The following SELENOI variants were observed in gnomAD, a reference collection of about 807,000 sequenced individuals.
SELENOI encodes the protein selenoprotein I.
Under a neutral mutation model 50.7 loss-of-function variants are expected in SELENOI, and 24 were observed. That is an observed-to-expected ratio of 0.47 (90% CI 0.34 to 0.67). The LOEUF (loss-of-function observed/expected upper bound fraction) is 0.67. Among genes scored for constraint, SELENOI ranks in the 30% least tolerant of loss-of-function variants. The pLI is 0.01. For missense variants in SELENOI, 352 were observed against 461.4 expected, an observed-to-expected ratio of 0.76 and a Z score of 2.17; for synonymous variants, 155 against 170.2, an observed-to-expected ratio of 0.91 and a Z score of 0.70.
intron 1 of SELENOI, among the ~76,000 whole-genome samples, chr2:26,355,268 A>G (rs1057154847): frequency 6.6e-6 from 1 of 152,244 alleles, no homozygotes; most frequent in Non-Finnish European, 1.5e-5. Flanking sequence ...TAGGAAGTGA[A>G]GGGTGGCAAC....
intron 4 of SELENOI, among the ~76,000 whole-genome samples, chr2:26,371,645 G>A (rs1421990993): frequency 2.2e-4 from 33 of 152,152 alleles, no homozygotes; most frequent in African/African-American, 7.2e-4. Flanking sequence ...GATCACTCGC[G>A]GTTAGGAGCT....
chr2:26,368,970 C>G (rs1212323579), intron 4 of SELENOI, among the ~76,000 whole-genome samples: 1 of 152,214 alleles, frequency 6.6e-6, no homozygotes, highest in East Asian at 1.9e-4. Flanking sequence ...ATGCCACAGA[C>G]TGATCTAGGC....
chr2:26,383,427 CT>C, intron 7 of SELENOI, 80 bp downstream of exon 7: 1 of 1,011,838 alleles, frequency 9.9e-7, no homozygotes, highest in Non-Finnish European at 1.4e-6. Context: ...ATCTATTTTC[CT>C]TTTGGAGTCA....
rs371177637 is a variant in SELENOI at position 26,369,523 on chromosome 2, T to C, written c.310+2303T>C. ...CCTTATCCCTCATCTTTTGCGGCAT[T>C]TTATCATTTTTATTTCCTCCATCTC... is the stretch of plus-strand genomic sequence containing the variant. On this transcript the variant is annotated intron_variant, in intron 4 of 9. Coordinates refer to ENST00000260585, the MANE Select transcript of SELENOI (RefSeq NM_033505.4). Among the ~76,000 whole-genome samples, 5 of 152,282 alleles carry C rather than the reference T, an allele frequency of 3.3e-5. No individual in the cohort carries two copies. The East Asian group carries it at 9.6e-4, about 29-fold the overall frequency.
At chr2:26,371,004 A>T (rs866671179) in intron 4 of SELENOI, among the ~76,000 whole-genome samples, 1 of 95,126 alleles carries the variant, frequency 1.1e-5, no homozygotes, top group Admixed American at 1.1e-4. Flanking sequence ...CCTCCCGGAC[A>T]GGGCGGCTGG....
At chr2:26,369,441 C>T (rs1049435941) in intron 4 of SELENOI, among the ~76,000 whole-genome samples, 19 of 152,200 alleles carry the variant, frequency 1.2e-4, no homozygotes, top group African/African-American at 4.3e-4. Flanking sequence ...TCTATTAACA[C>T]TACCACTATC....
chr2:26,346,148 C>G lies in SELENOI; in HGVS notation c.-85C>G. On this transcript the variant is annotated 5_prime_UTR_variant, in exon 1 of 10. The change creates a new upstream start codon in the 5' untranslated region. Coordinates refer to ENST00000260585, the MANE Select transcript of SELENOI (RefSeq NM_033505.4). Reference sequence around the variant, plus strand: ...TCTCGGGCAGCCCAGTCTTTGCCATCCTTGCCCAGCCGGTGTGGTGCTTGT... The same window carrying G: ...TCTCGGGCAGCCCAGTCTTTGCCATGCTTGCCCAGCCGGTGTGGTGCTTGT... 6.2e-7 allele frequency: 1 copy of G among 1,605,482 alleles called. No individual in the cohort carries two copies. The highest frequency in any genetic ancestry group is 8.5e-7 in the Non-Finnish European group (1 of 1,176,452).
intron 4 of SELENOI, among the ~76,000 whole-genome samples, chr2:26,371,901 G>A (rs1482468999): frequency 6.6e-6 from 1 of 152,096 alleles, no homozygotes; most frequent in East Asian, 1.9e-4. Context: ...GGGAGAGGGA[G>A]AGGGAGAGGG....
chr2:26,370,834 A>AC (rs1677412347), intron 4 of SELENOI, among the ~76,000 whole-genome samples: 1 of 113,008 alleles, frequency 8.8e-6, no homozygotes, highest in Non-Finnish European at 1.8e-5. Flanking sequence ...CGGGGGGCTG[A>AC]CACCCCCACC....
At chr2:26,366,204 T>C (rs1253710217) in intron 3 of SELENOI, among the ~76,000 whole-genome samples, 1 of 152,146 alleles carries the variant, frequency 6.6e-6, no homozygotes, top group Non-Finnish European at 1.5e-5. Flanking sequence ...AAAATGGTAA[T>C]TGAAGTTGGA....
intron 1 of SELENOI, among the ~76,000 whole-genome samples, chr2:26,347,107 A>G (rs577553514): frequency 2.6e-5 from 4 of 152,246 alleles, no homozygotes; most frequent in Admixed American, 2.0e-4. Flanking sequence ...AATGACTCTA[A>G]CCATCCAGTC....
At chr2:26,350,472 G>T (rs758776480) in intron 1 of SELENOI, among the ~76,000 whole-genome samples, 7 of 152,062 alleles carry the variant, frequency 4.6e-5, no homozygotes, top group Non-Finnish European at 1.0e-4. Context: ...TCCTCCCTTG[G>T]CCTCACAAAG....
intron 6 of SELENOI, among the ~76,000 whole-genome samples, chr2:26,379,929 A>G (rs1677649690): frequency 6.6e-6 from 1 of 152,182 alleles, no homozygotes; most frequent in Non-Finnish European, 1.5e-5. Flanking sequence ...CGAATACAGT[A>G]CCTAAATCAG....
At chr2:26,369,075 T>C (rs1038260274) in intron 4 of SELENOI, among the ~76,000 whole-genome samples, 1 of 152,368 alleles carries the variant, frequency 6.6e-6, no homozygotes. Context: ...TCTAATGCAC[T>C]AGTTAACAAA....
rs1678058848 is a variant in SELENOI, at chr2:26,395,047, CAT to C, written c.*5947_*5948del. The C allele has an allele frequency of 6.6e-6, 1 of 152,212 alleles. No homozygotes were observed. The highest frequency in any genetic ancestry group is 1.5e-5 in the Non-Finnish European group (1 of 68,038). 9.4% of individuals were successfully genotyped at this position (152,212 alleles called of 1,614,324 possible). A position where few individuals can be genotyped will look rare whatever the true frequency, so the allele number is the denominator to read the frequency against. On this transcript the variant is annotated 3_prime_UTR_variant, in exon 10 of 10. Coordinates refer to ENST00000260585, the MANE Select transcript of SELENOI (RefSeq NM_033505.4). ...GTTTAATTCAAGTAGTTTAATTGAA[CAT>C]ATTAGTCATTGGTCTGTCTGGGACG...
intron 1 of SELENOI, among the ~76,000 whole-genome samples, chr2:26,347,987 A>T (rs1676842392): frequency 6.6e-6 from 1 of 152,222 alleles, no homozygotes; most frequent in Admixed American, 6.5e-5. Flanking sequence ...GTTCACTAAA[A>T]TAGTTTGTTG....
At chr2:26,355,832 C>T (rs987908053) in intron 1 of SELENOI, among the ~76,000 whole-genome samples, 3 of 151,974 alleles carry the variant, frequency 2.0e-5, no homozygotes, top group African/African-American at 7.3e-5. Flanking sequence ...CCTCAACCTC[C>T]CCAGGCTCAG....
intron 1 of SELENOI, among the ~76,000 whole-genome samples, chr2:26,362,526 C>T (rs1377665668): frequency 1.3e-5 from 2 of 149,554 alleles, no homozygotes; most frequent in East Asian, 1.9e-4. Flanking sequence ...TTTGGGAGGC[C>T]GAGGCAGGTG....
Position 26,373,633 on chromosome 2 carries a change from A to C in SELENOI, c.573+4A>C. On this transcript the variant is annotated splice_donor_region_variant and intron_variant, in intron 5 of 9. Transcript: ENST00000260585. ...GGGATATGACATTAGCCAGGTGGTA[A>C]GTATGTGTTCTACCTTAAATTTTCA... The C allele has an allele frequency of 6.2e-7, 1 of 1,613,426 alleles. No individual in the cohort carries two copies.
Sources: allele counts gnomAD v4.1 joint callset (sites outside exome capture counted in the v4.1 genomes callset), GRCh38; gene constraint gnomAD v4.1.1; transcripts MANE v1.5; gene names NCBI Gene and HGNC (gene_info 2026-07-23, HGNC 2026-07-21).